OR7D4: variants seen among roughly 807,000 people sequenced by gnomAD.
OR7D4 encodes the protein olfactory receptor 7D4.
For synonymous variants in OR7D4, 154 were observed against 158.4 expected, an observed-to-expected ratio of 0.97 and a Z score of 0.21; for missense variants, 319 against 377.1, an observed-to-expected ratio of 0.85 and a Z score of 1.27.
chr19:9,214,420 G>A lies in OR7D4; in HGVS notation c.418C>T (p.Leu140Phe), dbSNP rs368945619. 8 of 1,614,078 alleles carry A rather than the reference G, an allele frequency of 5.0e-6. No homozygotes were observed. Among genetic ancestry groups the A allele is most frequent in the Admixed American group, 3.3e-5 (2 of 60,004 alleles). ...LHYTVIMNPCLCGLLVLASWF... is the reference protein window; with the variant it reads ...LHYTVIMNPCFCGLLVLASWF... The stretch of plus-strand genomic sequence containing the variant: ...GATGCCAGAACCAGGAGGCCACAGA[G>A]GCAGGGGTTCATGATGACCGTGTAG... Residue 140 changes from leucine (L) to phenylalanine (F), a missense_variant, in exon 2 of 2, where the codon CTC (leucine) becomes TTC (phenylalanine). Transcript: ENST00000641669.
chr19:9,215,440 G>T (rs764980778), intron 1 of OR7D4, among the ~76,000 whole-genome samples: 2 of 151,014 alleles, frequency 1.3e-5, no homozygotes, highest in Non-Finnish European at 2.9e-5. Context: ...TTCTTCTTTG[G>T]TGTGAATCTT....
At chr19:9,214,967 C>G in intron 1 of OR7D4, 117 bp from the exon 2 acceptor site, 1 of 609,894 alleles carries the variant, frequency 1.6e-6, no homozygotes. Context: ...GGAGTCCTTA[C>G]AAAGACAATG....
At chr19:9,218,952 G>GA (rs140913002) in intron 1 of OR7D4, among the ~76,000 whole-genome samples, 20,912 of 151,374 alleles carry the variant, frequency 0.14, 1,692 homozygotes, top group East Asian at 0.29. Context: ...TTTAATATGA[G>GA]AAAAAAAATT....
At chr19:9,218,110 A>G (rs1351317015) in intron 1 of OR7D4, among the ~76,000 whole-genome samples, 1 of 152,214 alleles carries the variant, frequency 6.6e-6, no homozygotes, top group East Asian at 1.9e-4. Flanking sequence ...ATCATTTAAC[A>G]AGGATTTACG....
chr19:9,217,101 G>A (rs776175430), intron 1 of OR7D4, among the ~76,000 whole-genome samples: 2 of 152,088 alleles, frequency 1.3e-5, no homozygotes, highest in African/African-American at 2.4e-5. Flanking sequence ...TCTGCCCAGT[G>A]TATTCCTCCA....
chr19:9,211,735 A>T lies in OR7D4; in HGVS notation c.*2164T>A, dbSNP rs1372159034. 4 of 141,348 alleles carry T rather than the reference A, an allele frequency of 2.8e-5. No homozygotes were observed. Among genetic ancestry groups the T allele is most frequent in the Non-Finnish European group, 6.0e-5 (4 of 66,722 alleles). The allele number at this position is 141,348 out of a possible 1,614,324, so 8.8% of individuals were successfully genotyped here. On this transcript the variant is annotated 3_prime_UTR_variant, in exon 2 of 2. Coordinates refer to ENST00000641669, the MANE Select transcript of OR7D4 (RefSeq NM_001005191.3). Reference sequence around the variant, plus strand: ...GGCGTGCGCCTGTAATCCCAGCGCCACTGTGCTCTAGCCTGGGCGACAGAG... The same window carrying T: ...GGCGTGCGCCTGTAATCCCAGCGCCTCTGTGCTCTAGCCTGGGCGACAGAG...
Position 9,219,374 on chromosome 19 carries a change from CA to C in OR7D4, c.-189del, listed in dbSNP as rs2051239510. 1 of 152,280 alleles carries C rather than the reference CA, an allele frequency of 6.6e-6. No individual in the cohort carries two copies. The highest frequency in any genetic ancestry group is 2.4e-5 in the African/African-American group (1 of 41,536). 9.4% of individuals were successfully genotyped at this position (152,280 alleles called of 1,614,324 possible). On this transcript the variant is annotated 5_prime_UTR_variant, in exon 1 of 2. The change creates a premature stop within an existing upstream ORF in the 5' untranslated region. Transcript: ENST00000641669. ...AGGAGTGAGAACAGAAGGTGGGAGA[CA>C]CTGGTTTCTGTGAAAACTAAAGTAC...
intron 1 of OR7D4, among the ~76,000 whole-genome samples, chr19:9,218,350 G>A (rs982065245): frequency 1.2e-4 from 18 of 152,142 alleles, no homozygotes; most frequent in Non-Finnish European, 1.2e-4. Flanking sequence ...TTTAATGTAA[G>A]AATGTCTGCA....
rs1448857800 is a variant in OR7D4, at chr19:9,213,475, C to T, written c.*424G>A. The T allele has an allele frequency of 6.4e-6, 1 of 155,684 alleles. No homozygotes were observed. The highest frequency in any genetic ancestry group is 2.4e-5 in the African/African-American group (1 of 41,398). The allele number at this position is 155,684 out of a possible 1,614,324, so 9.6% of individuals were successfully genotyped here. Reference sequence around the variant, plus strand: ...AACACATTGGCCAGGCACGGTGGCTCACGCTTGTAATCCTAGCACTTTGGG... The same window carrying T: ...AACACATTGGCCAGGCACGGTGGCTTACGCTTGTAATCCTAGCACTTTGGG... On this transcript the variant is annotated 3_prime_UTR_variant, in exon 2 of 2. Transcript: ENST00000641669.
chr19:9,214,872 G>A (rs2051200663), intron 1 of OR7D4, 22 bp from the exon 2 acceptor site: 4 of 1,374,610 alleles, frequency 2.9e-6, no homozygotes, highest in Non-Finnish European at 3.0e-6. Context: ...GGAGGAAAAA[G>A]CAACGTTTAA....
At position 9,211,462 on chromosome 19, in the gene OR7D4, T is replaced by G. The variant is rs577865977; in HGVS notation, c.*2437A>C. The G allele has an allele frequency of 2.6e-5, 4 of 152,292 alleles. No homozygotes were observed. In the South Asian group the frequency reaches 6.2e-4, roughly 24 times the overall value. The allele number at this position is 152,292 out of a possible 1,614,324, so 9.4% of individuals were successfully genotyped here. On this transcript the variant is annotated 3_prime_UTR_variant, in exon 2 of 2. Transcript: ENST00000641669. ...TATCCAACTTAGCAAAAACATAAATTACCAATGCATAAAATCTCAAATTAC... is the reference window on the plus strand; with the variant it reads ...TATCCAACTTAGCAAAAACATAAATGACCAATGCATAAAATCTCAAATTAC...
rs1171489704 is a variant in OR7D4 at position 9,214,412 on chromosome 19, G to A, written c.426C>T (p.Gly142=). Residue 142 remains glycine (G), a synonymous_variant, in exon 2 of 2, where the codon GGC becomes GGT. Coordinates refer to ENST00000641669, the MANE Select transcript of OR7D4 (RefSeq NM_001005191.3). ...TGAACCAAGATGCCAGAACCAGGAG[G>A]CCACAGAGGCAGGGGTTCATGATGA... is the stretch of plus-strand genomic sequence containing the variant. ...YTVIMNPCLC[G]LLVLASWFII... 1 of 1,614,074 alleles carries A rather than the reference G, an allele frequency of 6.2e-7. No homozygotes were observed. Among genetic ancestry groups the A allele is most frequent in the African/African-American group, 1.3e-5 (1 of 74,922 alleles).
Position 9,214,807 on chromosome 19 carries a change from T to C in OR7D4, c.31A>G (p.Lys11Glu). Residue 11 changes from lysine to glutamate, a missense_variant, in exon 2 of 2, where the codon AAA becomes GAA. By Grantham distance (56) the Lys-to-Glu change is moderately conservative. Coordinates refer to ENST00000641669, the MANE Select transcript of OR7D4 (RefSeq NM_001005191.3). Reference sequence around the variant, plus strand: ...TCTGAGAGTCCCAGGAGGAGAAATTTTGATAATTCTGTAAGGTTTTCTGCT... The same window carrying C: ...TCTGAGAGTCCCAGGAGGAGAAATTCTGATAATTCTGTAAGGTTTTCTGCT... MEAENLTELS[K>E]FLLLGLSDDP... 6.2e-7 allele frequency: 1 copy of C among 1,609,812 alleles called. No homozygotes were observed. Among genetic ancestry groups the C allele is most frequent in the Non-Finnish European group, 8.5e-7 (1 of 1,178,040 alleles).
In OR7D4 at chr19:9,213,909, G is replaced by C. The variant is rs930821450; in HGVS notation, c.929C>G (p.Ser310Cys). The C allele has an allele frequency of 6.2e-7, 1 of 1,613,128 alleles. No homozygotes were observed. Among genetic ancestry groups the C allele is most frequent in the Non-Finnish European group, 8.5e-7 (1 of 1,179,192 alleles). The change falls in exon 2 of 2, where the codon TCT becomes TGT. Residue 310 changes from serine (S) to cysteine (C), a missense_variant. Physicochemically the swap from Ser to Cys is moderately radical, Grantham distance 112. Coordinates refer to ENST00000641669, the MANE Select transcript of OR7D4 (RefSeq NM_001005191.3). ...ALERLLSRADSCP is the reference protein window; with the variant it reads ...ALERLLSRADCCP ...TGAGGCCCTGATTTGTCATGGACAA[G>C]AGTCGGCCCTGCTGAGGAGTCTTTC...
Position 9,214,673 on chromosome 19 carries a change from G to C in OR7D4, c.165C>G (p.Leu55=), listed in dbSNP as rs1412293315. The change falls in exon 2 of 2, where the codon CTC becomes CTG. Residue 55 remains leucine, a synonymous_variant. Transcript: ENST00000641669. The part of the protein sequence containing the change: ...IILAVSSDSH[L]HTPMYFFLSN... ...AGAGGAAGAAGTACATGGGGGTGTG[G>C]AGGTGGGAGTCAGAGCTGACGGCCA... 6.2e-7 allele frequency: 1 copy of C among 1,614,188 alleles called. No individual in the cohort carries two copies. Among genetic ancestry groups the C allele is most frequent in the Non-Finnish European group, 8.5e-7 (1 of 1,180,034 alleles).
In OR7D4 at chr19:9,211,905, T is replaced by A. The variant is rs1276669440; in HGVS notation, c.*1994A>T. The A allele has an allele frequency of 1.3e-5, 2 of 149,692 alleles. No homozygotes were observed. Among genetic ancestry groups the A allele is most frequent in the African/African-American group, 5.0e-5 (2 of 39,962 alleles). The allele number at this position is 149,692 out of a possible 1,614,324, so 9.3% of individuals were successfully genotyped here. A position where few individuals can be genotyped will look rare whatever the true frequency, so the allele number is the denominator to read the frequency against. The stretch of plus-strand genomic sequence containing the variant: ...ATTTCATTTTAAAATTAAAAAAAAA[T>A]CTGATGTGGTTTGTCACTGTCTCTG... On this transcript the variant is annotated 3_prime_UTR_variant, in exon 2 of 2. Transcript: ENST00000641669.
Position 9,214,663 on chromosome 19 carries a change from T to C in OR7D4, c.175A>G (p.Met59Val), listed in dbSNP as rs767496077. ...GACAGGTTGGAGAGGAAGAAGTACA[T>C]GGGGGTGTGGAGGTGGGAGTCAGAG... ...VSSDSHLHTP[M>V]YFFLSNLSFV... is the part of the protein sequence containing the mutation. The change falls in exon 2 of 2, where the codon ATG (methionine) becomes GTG (valine). Residue 59 changes from methionine (M) to valine (V), a missense_variant. Physicochemically the swap from Met to Val is conservative, Grantham distance 21 (BLOSUM62 1). Coordinates refer to ENST00000641669, the MANE Select transcript of OR7D4 (RefSeq NM_001005191.3). 2 of 1,613,832 alleles carry C rather than the reference T, an allele frequency of 1.2e-6. No homozygotes were observed. Among genetic ancestry groups the C allele is most frequent in the Middle Eastern group, 1.6e-4 (1 of 6,062 alleles).
chr19:9,213,823 G>A lies in OR7D4; in HGVS notation c.*76C>T. On this transcript the variant is annotated 3_prime_UTR_variant, in exon 2 of 2. Coordinates refer to ENST00000641669, the MANE Select transcript of OR7D4 (RefSeq NM_001005191.3). The stretch of plus-strand genomic sequence containing the variant: ...AAGCACATTTTTTAAAAGAGAAAAA[G>A]AGCCGGATATTTAAACCCACAACAT... The A allele has an allele frequency of 9.7e-7, 1 of 1,035,146 alleles. No homozygotes were observed. The highest frequency in any genetic ancestry group is 2.4e-5 in the East Asian group (1 of 41,864). The allele number at this position is 1,035,146 out of a possible 1,614,324, so 64.1% of individuals were successfully genotyped here.
At chr19:9,218,200 A>T (rs751328570) in intron 1 of OR7D4, among the ~76,000 whole-genome samples, 5 of 152,238 alleles carry the variant, frequency 3.3e-5, no homozygotes, top group Non-Finnish European at 7.3e-5. Context: ...CATCAACTAT[A>T]ACACAAAATA....
Sources: gnomAD v4.1 joint callset for allele counts (sites outside exome capture counted in the v4.1 genomes callset) on GRCh38, gnomAD v4.1.1 for gene constraint, MANE v1.5 for transcripts, NCBI Gene and HGNC (gene_info 2026-07-23, HGNC 2026-07-21) for gene names.